SYT1: variants seen among roughly 807,000 people sequenced by gnomAD.
The protein encoded by SYT1 is synaptotagmin-1.
Under a neutral mutation model 44.8 loss-of-function variants are expected in SYT1, and 8 were observed. The ratio of observed to expected loss-of-function variants is 0.18; its 90% CI spans 0.10 to 0.32. The LOEUF (loss-of-function observed/expected upper bound fraction) is 0.32. SYT1 is among the 10% of genes least tolerant of loss of function. SYT1 has a pLI of 1.00. For missense variants in SYT1, 286 were observed against 509.3 expected, an observed-to-expected ratio of 0.56 and a Z score of 4.22; for synonymous variants, 154 against 188.8, an observed-to-expected ratio of 0.82 and a Z score of 1.51.
chr12:79,155,345 TC>T (rs1870528677), intron 3 of SYT1, among the ~76,000 whole-genome samples: 1 of 152,208 alleles, frequency 6.6e-6, no homozygotes, highest in South Asian at 2.1e-4. Flanking sequence ...ATGCTGTTCA[TC>T]CTCATTAGTT....
At chr12:79,145,529 A>G (rs1869824533) in intron 3 of SYT1, among the ~76,000 whole-genome samples, 1 of 152,180 alleles carries the variant, frequency 6.6e-6, no homozygotes, top group African/African-American at 2.4e-5. Flanking sequence ...ACAATGTCCA[A>G]AACACCATGA....
At chr12:79,033,861 A>T (rs1353404431) in intron 2 of SYT1, among the ~76,000 whole-genome samples, 3 of 151,380 alleles carry the variant, frequency 2.0e-5, no homozygotes, top group African/African-American at 7.3e-5. Context: ...TCTAGTACTT[A>T]CCTCTTCACT....
At chr12:78,924,750 G>C (rs975857608) in intron 1 of SYT1, among the ~76,000 whole-genome samples, 2 of 150,708 alleles carry the variant, frequency 1.3e-5, no homozygotes, top group Non-Finnish European at 3.0e-5. Flanking sequence ...ACGTCCTTTT[G>C]ATGTGTCTCC....
At chr12:79,273,847 A>G (rs1878565425) in intron 4 of SYT1, among the ~76,000 whole-genome samples, 1 of 152,208 alleles carries the variant, frequency 6.6e-6, no homozygotes, top group Non-Finnish European at 1.5e-5. Flanking sequence ...GCACTTTGGA[A>G]GGCCGATGCT....
chr12:79,142,552 AT>A lies in SYT1; in HGVS notation c.-17-74950del, dbSNP rs201833439. Among the ~76,000 whole-genome samples, 862 of 152,348 alleles carry A rather than the reference AT, an allele frequency of 5.7e-3. 11 individuals carry two copies. The highest frequency in any genetic ancestry group is 0.019 in the African/African-American group (799 of 41,576). The stretch of plus-strand genomic sequence containing the variant: ...AAATACGACTTTTTATTAATCTCAC[AT>A]GCCAAGAAACCATCCCTTACTAAAA... On this transcript the variant is annotated intron_variant, in intron 3 of 10. Coordinates refer to ENST00000261205, the MANE Select transcript of SYT1 (RefSeq NM_005639.3).
At chr12:79,332,522 C>T (rs1881900784) in intron 8 of SYT1, among the ~76,000 whole-genome samples, 1 of 152,148 alleles carries the variant, frequency 6.6e-6, no homozygotes, top group African/African-American at 2.4e-5. Context: ...GGGAAATACA[C>T]TAATTAGTTG....
At chr12:79,163,734 C>T (rs772896312) in intron 3 of SYT1, among the ~76,000 whole-genome samples, 9 of 152,080 alleles carry the variant, frequency 5.9e-5, no homozygotes, top group Non-Finnish European at 1.3e-4. Context: ...CCCGCCATCA[C>T]CAATGAATAC....
intron 3 of SYT1, among the ~76,000 whole-genome samples, chr12:79,090,016 T>A (rs1877660293): frequency 6.6e-6 from 1 of 152,080 alleles, no homozygotes; most frequent in Non-Finnish European, 1.5e-5. Context: ...TAGCTTGTTT[T>A]GTGTGGGCTA....
chr12:79,196,055 C>T (rs1037558120), intron 3 of SYT1, among the ~76,000 whole-genome samples: 2 of 152,066 alleles, frequency 1.3e-5, no homozygotes, highest in Admixed American at 6.6e-5. Flanking sequence ...AATATAGTTG[C>T]GAACAGACAT....
intron 4 of SYT1, among the ~76,000 whole-genome samples, chr12:79,220,029 A>C (rs1170598144): frequency 6.6e-6 from 1 of 152,058 alleles, no homozygotes; most frequent in Non-Finnish European, 1.5e-5. Context: ...AATGTTTCAT[A>C]GAGATTAGCA....
chr12:79,360,893 AC>A, intron 9 of SYT1, among the ~76,000 whole-genome samples: 2 of 152,338 alleles, frequency 1.3e-5, no homozygotes, highest in East Asian at 3.9e-4. Context: ...CAAGCCCGGT[AC>A]AAGTTGGGAC....
In SYT1 at chr12:79,002,456, A is replaced by AT. The variant is rs112673654; in HGVS notation, c.-84+24536dup. ...GTTTGGCTTTTTGCTCATTGCCAGTATTTTTTTTTTTATGAAGGAAAATTT... is the reference window on the plus strand; with the variant it reads ...GTTTGGCTTTTTGCTCATTGCCAGTATTTTTTTTTTTTATGAAGGAAAATTT... On this transcript the variant is annotated intron_variant, in intron 2 of 10. Coordinates refer to ENST00000261205, the MANE Select transcript of SYT1 (RefSeq NM_005639.3). 3.5e-3 allele frequency among the ~76,000 whole-genome samples: 510 copies of AT among 147,462 alleles called. 6 individuals are homozygous for AT. In the East Asian group the frequency reaches 0.053, roughly 15 times the overall value.
chr12:79,349,544 A>T (rs908579163), intron 8 of SYT1, among the ~76,000 whole-genome samples: 3 of 152,128 alleles, frequency 2.0e-5, no homozygotes, highest in Non-Finnish European at 4.4e-5. Flanking sequence ...TGTAACCTAC[A>T]CCCTCTCAGT....
At chr12:79,125,041 GTTTGA>G (rs1320202374) in intron 3 of SYT1, among the ~76,000 whole-genome samples, 1 of 151,964 alleles carries the variant, frequency 6.6e-6, no homozygotes, top group Non-Finnish European at 1.5e-5. Flanking sequence ...GTTTGGTTTG[GTTTGA>G]TTTGGTTTGG....
At chr12:79,223,186 A>G (rs919555357) in intron 4 of SYT1, among the ~76,000 whole-genome samples, 1 of 152,164 alleles carries the variant, frequency 6.6e-6, no homozygotes, top group African/African-American at 2.4e-5. Flanking sequence ...CTTTATGATC[A>G]TGTATCAATG....
intron 2 of SYT1, among the ~76,000 whole-genome samples, chr12:79,007,400 G>T (rs151111295): frequency 3.0e-4 from 46 of 152,144 alleles, no homozygotes; most frequent in African/African-American, 1.1e-3. Context: ...TTCCTAGAGG[G>T]TGAAAACATG....
chr12:79,307,302 C>A (rs987898471), intron 8 of SYT1, among the ~76,000 whole-genome samples: 2 of 152,174 alleles, frequency 1.3e-5, no homozygotes, highest in Non-Finnish European at 2.9e-5. Context: ...GACACACAAA[C>A]TTACTTGCTT....
intron 9 of SYT1, among the ~76,000 whole-genome samples, chr12:79,402,265 C>T: frequency 6.6e-6 from 1 of 152,194 alleles, no homozygotes; most frequent in Admixed American, 6.5e-5. Flanking sequence ...GAAGTGCAGG[C>T]TACTTTCTGA....
At chr12:78,892,806 A>G (rs1414917949) in intron 1 of SYT1, among the ~76,000 whole-genome samples, 1 of 151,830 alleles carries the variant, frequency 6.6e-6, no homozygotes, top group Admixed American at 6.6e-5. Flanking sequence ...ATAACGGTAA[A>G]GAGGAGAATT....
Sources: gnomAD v4.1 joint callset for allele counts (sites outside exome capture counted in the v4.1 genomes callset) on GRCh38, gnomAD v4.1.1 for gene constraint, MANE v1.5 for transcripts, NCBI Gene and HGNC (gene_info 2026-07-23, HGNC 2026-07-21) for gene names.